Variants in LIN28A observed in about 807,000 individuals in gnomAD.
LIN28A encodes the protein protein lin-28 homolog A.
Under a neutral mutation model 21.1 loss-of-function variants are expected in LIN28A, and 11 were observed. The observed-to-expected ratio is 0.52, with a 90% confidence interval of 0.33 to 0.86. The LOEUF is 0.86. LIN28A is among the 40% of genes least tolerant of loss of function. The pLI, the probability that LIN28A is intolerant of heterozygous loss-of-function variation, is 0.03. For synonymous variants in LIN28A, 111 were observed against 108.7 expected (o/e 1.02, Z -0.13); for missense variants, 219 against 279.8 (o/e 0.78, Z 1.55).
At chr1:26,421,554 TTTTTC>T (rs1363235563) in intron 2 of LIN28A, among the ~76,000 whole-genome samples, 1 of 152,236 alleles carries the variant, frequency 6.6e-6, no homozygotes, top group African/African-American at 2.4e-5. Flanking sequence ...CTTTTCAGTA[TTTTTC>T]TTAACAATGA....
chr1:26,422,249 A>G (rs1261999003), intron 2 of LIN28A, among the ~76,000 whole-genome samples: 2 of 152,010 alleles, frequency 1.3e-5, no homozygotes, highest in Non-Finnish European at 2.9e-5. Flanking sequence ...GGCTCAAGCA[A>G]TCCGCCCATC....
In LIN28A at chr1:26,411,682, G is replaced by C. The variant is rs908554641; in HGVS notation, c.228+100G>C. 16 of 1,233,116 alleles carry C rather than the reference G, an allele frequency of 1.3e-5. No homozygotes were observed. Among genetic ancestry groups the C allele is most frequent in the Non-Finnish European group, 1.9e-5 (16 of 863,004 alleles). The allele number at this position is 1,233,116 out of a possible 1,614,324, so 76.4% of individuals were successfully genotyped here. On this transcript the variant is annotated intron_variant, in intron 2 of 3. Coordinates refer to ENST00000326279, the MANE Select transcript of LIN28A (RefSeq NM_024674.6). The surrounding 1 kb of genome is among the most constrained non-coding windows in gnomAD (Gnocchi z 5.4). ...GCAGTTGAATTGAGGGCCATCGGGA[G>C]CCCTCATTATGCATCCCTGTCTTTG... is the stretch of plus-strand genomic sequence containing the variant.
chr1:26,421,205 T>C (rs1262557388), intron 2 of LIN28A, among the ~76,000 whole-genome samples: 1 of 152,226 alleles, frequency 6.6e-6, no homozygotes, highest in African/African-American at 2.4e-5. Context: ...AGCTGAATGA[T>C]TAAAAATCTG....
At position 26,411,909 on chromosome 1, in the gene LIN28A, TG is replaced by T. The variant is rs1248128873; in HGVS notation, c.228+333del. 6.6e-6 allele frequency among the ~76,000 whole-genome samples: 1 copy of T among 151,750 alleles called. No homozygotes were observed. Among genetic ancestry groups the T allele is most frequent in the African/African-American group, 2.4e-5 (1 of 41,250 alleles). On this transcript the variant is annotated intron_variant, in intron 2 of 3. Transcript: ENST00000326279. The surrounding 1 kb of genome is among the most constrained non-coding windows in gnomAD (Gnocchi z 5.4). ...ACTAAGGTTGTATTGTGCTTGCCGGTGGGGGGAGGGCGAGCAGGCCGGCCAG... is the reference window on the plus strand; with the variant it reads ...ACTAAGGTTGTATTGTGCTTGCCGGTGGGGGAGGGCGAGCAGGCCGGCCAG...
intron 2 of LIN28A, among the ~76,000 whole-genome samples, chr1:26,424,517 G>A (rs1322899213): frequency 6.6e-6 from 1 of 152,188 alleles, no homozygotes; most frequent in Non-Finnish European, 1.5e-5. Context: ...TGGGGTTAAA[G>A]GCGTAAGCCA....
intron 2 of LIN28A, among the ~76,000 whole-genome samples, chr1:26,423,963 C>T (rs2075043509): frequency 6.6e-6 from 1 of 151,394 alleles, no homozygotes; most frequent in Non-Finnish European, 1.5e-5. Flanking sequence ...GGGGTTTCAC[C>T]GTGTTAGCCA....
intron 2 of LIN28A, among the ~76,000 whole-genome samples, chr1:26,420,329 C>T (rs2075021531): frequency 6.6e-6 from 1 of 152,038 alleles, no homozygotes; most frequent in Non-Finnish European, 1.5e-5. Flanking sequence ...TTGCACCCGG[C>T]CTGCAATATC....
intron 2 of LIN28A, among the ~76,000 whole-genome samples, chr1:26,422,521 G>T (rs1228386494): frequency 6.6e-6 from 1 of 150,446 alleles, no homozygotes; most frequent in Non-Finnish European, 1.5e-5. Context: ...CATTTTTGAA[G>T]TCCTGTTTTA....
chr1:26,415,770 GC>G (rs1415346147), intron 2 of LIN28A, among the ~76,000 whole-genome samples: 2 of 152,148 alleles, frequency 1.3e-5, no homozygotes, highest in African/African-American at 4.8e-5. Flanking sequence ...ACCACTCGGA[GC>G]CCAGAGAGGT....
At position 26,411,532 on chromosome 1, in the gene LIN28A, G is replaced by T. The variant is rs766319426; in HGVS notation, c.178G>T (p.Ala60Ser). The T allele has an allele frequency of 3.7e-6, 6 of 1,613,814 alleles. No homozygotes were observed. In the Admixed American group the frequency reaches 1.0e-4, roughly 27 times the overall value. ...RMGFGFLSMT[A>S]RAGVALDPPV... is the part of the protein sequence containing the mutation. ...GGGGTTCGGCTTCCTGTCCATGACC[G>T]CCCGCGCCGGGGTCGCGCTCGACCC... The change falls in exon 2 of 4, where the codon GCC (alanine) becomes TCC (serine). Residue 60 changes from alanine (A) to serine (S), a missense_variant. Around this residue, in one of 3 missense-constraint regions of LIN28A, gnomAD observed 124 missense variants for 193.1 expected, o/e 0.64. Transcript: ENST00000326279. The surrounding 1 kb of genome is among the most constrained non-coding windows in gnomAD (Gnocchi z 5.4).
rs866181990 is a variant in LIN28A, at chr1:26,411,429, G to C, written c.75G>C (p.Pro25=). ...KAAEEAPEEA[P]EDAARAADEP... Reference sequence around the variant, plus strand: ...CAGAAGAGGCGCCCGAGGAGGCGCCGGAGGACGCGGCCCGGGCGGCGGACG... The same window carrying C: ...CAGAAGAGGCGCCCGAGGAGGCGCCCGAGGACGCGGCCCGGGCGGCGGACG... Residue 25 remains proline, a synonymous_variant, in exon 2 of 4, where the codon CCG becomes CCC. Transcript: ENST00000326279. This position sits in a 1 kb window ranked among gnomAD's most constrained non-coding sequence, Gnocchi z 5.4. 6.2e-7 allele frequency: 1 copy of C among 1,606,518 alleles called. No individual in the cohort carries two copies. Among genetic ancestry groups the C allele is most frequent in the Middle Eastern group, 1.8e-4 (1 of 5,554 alleles).
At chr1:26,418,310 G>T (rs2075007327) in intron 2 of LIN28A, among the ~76,000 whole-genome samples, 1 of 152,180 alleles carries the variant, frequency 6.6e-6, no homozygotes, top group African/African-American at 2.4e-5. Context: ...ACTTTGGGAG[G>T]CCGAGGCGGG....
intron 2 of LIN28A, among the ~76,000 whole-genome samples, chr1:26,416,599 T>C (rs1240392682): frequency 6.6e-6 from 1 of 151,930 alleles, no homozygotes; most frequent in Non-Finnish European, 1.5e-5. Context: ...CAGACTTATT[T>C]AACATGATCT....
intron 2 of LIN28A, among the ~76,000 whole-genome samples, chr1:26,421,780 A>T (rs2075029917): frequency 6.6e-6 from 1 of 152,098 alleles, no homozygotes; most frequent in Admixed American, 6.6e-5. Flanking sequence ...GTCTTTCGGT[A>T]ACATTATTTT....
Position 26,411,284 on chromosome 1 carries a change from TC to T in LIN28A, c.32-100del. 8.6e-7 allele frequency: 1 copy of T among 1,166,354 alleles called. No individual in the cohort carries two copies. Among genetic ancestry groups the T allele is most frequent in the South Asian group, 1.6e-5 (1 of 62,164 alleles). 72.3% of individuals were successfully genotyped at this position (1,166,354 alleles called of 1,614,324 possible). A position where few individuals can be genotyped will look rare whatever the true frequency, so the allele number is the denominator to read the frequency against. On this transcript the variant is annotated intron_variant, in intron 1 of 3. Transcript: ENST00000326279. This position sits in a 1 kb window ranked among gnomAD's most constrained non-coding sequence, Gnocchi z 5.4. ...CTTGGTAGCTGCCCCCTCCTGGCTG[TC>T]CACTTGTGGGGCTGGATACTCGGGT... is the stretch of plus-strand genomic sequence containing the variant.
At chr1:26,412,600 T>G (rs940265439) in intron 2 of LIN28A, among the ~76,000 whole-genome samples, 3 of 151,874 alleles carry the variant, frequency 2.0e-5, no homozygotes, top group Non-Finnish European at 4.4e-5. Context: ...AAGAAGAAAT[T>G]GCTAATCCCA....
chr1:26,425,253 G>T (rs767162924), intron 2 of LIN28A, 50 bp from the exon 3 acceptor site: 3 of 1,563,934 alleles, frequency 1.9e-6, no homozygotes, highest in Non-Finnish European at 2.6e-6. Context: ...TTGTCTTTTG[G>T]TATAATAATG....
intron 2 of LIN28A, among the ~76,000 whole-genome samples, chr1:26,423,552 G>T (rs2075040746): frequency 6.7e-6 from 1 of 149,774 alleles, no homozygotes; most frequent in African/African-American, 2.5e-5. Context: ...TGGGATTATA[G>T]ATGCCCACCA....
At chr1:26,415,653 AGGGGTGTCAATTGTAGCT>A (rs1206843174) in intron 2 of LIN28A, among the ~76,000 whole-genome samples, 1 of 152,142 alleles carries the variant, frequency 6.6e-6, no homozygotes, top group Non-Finnish European at 1.5e-5. Context: ...AGAGATACTG[AGGGGTGTCAATTGTAGCT>A]GCTCGCTTTC....
Sources: allele counts gnomAD v4.1 joint callset (sites outside exome capture counted in the v4.1 genomes callset), GRCh38; gene constraint gnomAD v4.1.1; regional missense constraint gnomAD v4.1.1; non-coding constraint Gnocchi (gnomAD v3.1); transcripts MANE v1.5; gene names NCBI Gene and HGNC (gene_info 2026-07-23, HGNC 2026-07-21).